Variants in SLC43A1 observed in about 807,000 individuals in gnomAD.
SLC43A1 encodes the protein solute carrier family 43 member 1.
SLC43A1 carries 31 observed loss-of-function variants against 59.5 expected under a neutral mutation model. That is an observed-to-expected ratio of 0.52 (90% CI 0.39 to 0.70). The LOEUF is 0.70. Ranked by LOEUF, SLC43A1 falls within the 30% of genes least tolerant of loss-of-function variation. The pLI is 0.00. For missense variants in SLC43A1, 598 were observed against 717.8 expected, an observed-to-expected ratio of 0.83 and a Z score of 1.91; for synonymous variants, 259 against 290.9, an observed-to-expected ratio of 0.89 and a Z score of 1.12.
At position 57,484,546 on chromosome 11, in the gene SLC43A1, CTTT is replaced by C. The variant is rs920000638; in HGVS notation, c.*547_*549del. The C allele has an allele frequency of 6.6e-6, 1 of 152,268 alleles. No homozygotes were observed. The highest frequency in any genetic ancestry group is 1.5e-5 in the Non-Finnish European group (1 of 68,068). The allele number at this position is 152,268 out of a possible 1,614,324, so 9.4% of individuals were successfully genotyped here. A position where few individuals can be genotyped will look rare whatever the true frequency, so the allele number is the denominator to read the frequency against. ...GCACACCAGCCAGTCTCTCACTTCC[CTTT>C]TTATTTCCTCTAAGACTTGCAAGCA... On this transcript the variant is annotated 3_prime_UTR_variant, in exon 15 of 15. Coordinates refer to ENST00000278426, the MANE Select transcript of SLC43A1 (RefSeq NM_003627.6).
At chr11:57,503,993 A>G (rs1251824235) in intron 2 of SLC43A1, among the ~76,000 whole-genome samples, 1 of 152,062 alleles carries the variant, frequency 6.6e-6, no homozygotes, top group East Asian at 1.9e-4. Context: ...GGAGATCGAG[A>G]CCATCCTGGC....
chr11:57,497,704 C>G, intron 6 of SLC43A1, 49 bp downstream of exon 6: 1 of 1,464,066 alleles, frequency 6.8e-7, no homozygotes, highest in South Asian at 1.2e-5. Flanking sequence ...CACTCGGCCC[C>G]ACCCGGTTCT....
intron 6 of SLC43A1, among the ~76,000 whole-genome samples, chr11:57,497,072 C>CA (rs1403502597): frequency 2.6e-5 from 4 of 152,190 alleles, no homozygotes; most frequent in Non-Finnish European, 4.4e-5. Context: ...ATGGCCCCCC[C>CA]ACCCATGCGC....
At chr11:57,488,325 A>C (rs570899107) in intron 13 of SLC43A1, among the ~76,000 whole-genome samples, 2 of 152,248 alleles carry the variant, frequency 1.3e-5, no homozygotes, top group South Asian at 4.2e-4. Flanking sequence ...AACATCAAGG[A>C]AACTCCAGGG....
chr11:57,492,536 GTA>G (rs71061509), intron 8 of SLC43A1, among the ~76,000 whole-genome samples: 4,045 of 79,492 alleles, frequency 0.051, 80 homozygotes, highest in Non-Finnish European at 0.059. Flanking sequence ...ATAATTTTGT[GTA>G]TATATATATA....
intron 2 of SLC43A1, among the ~76,000 whole-genome samples, chr11:57,507,515 T>C (rs561068294): frequency 3.2e-4 from 48 of 152,122 alleles, no homozygotes; most frequent in Non-Finnish European, 6.2e-4. Context: ...TGGTGGTACA[T>C]GCCTGTGGTC....
At position 57,491,632 on chromosome 11, in the gene SLC43A1, G is replaced by C; in HGVS notation, c.1019-6C>G. On this transcript the variant is annotated splice_region_variant and splice_polypyrimidine_tract_variant and intron_variant, in intron 9 of 14. Coordinates refer to ENST00000278426, the MANE Select transcript of SLC43A1 (RefSeq NM_003627.6). ...TTGTTGCTGTTCATTTGTCTCTGTG[G>C]GTAGGGAAACGTATGGTGAGGGGAG... The C allele has an allele frequency of 6.2e-7, 1 of 1,614,186 alleles. No individual in the cohort carries two copies. Among genetic ancestry groups the C allele is most frequent in the East Asian group, 2.2e-5 (1 of 44,890 alleles).
intron 14 of SLC43A1, among the ~76,000 whole-genome samples, chr11:57,485,658 T>C (rs889931398): frequency 1.3e-5 from 2 of 152,126 alleles, no homozygotes; most frequent in African/African-American, 4.8e-5. Flanking sequence ...TTCAAGGAAC[T>C]GGGATGCACA....
intron 7 of SLC43A1, chr11:57,494,522 T>C (rs1040083904): frequency 6.3e-5 from 19 of 300,898 alleles, no homozygotes; most frequent in East Asian, 1.0e-4. Context: ...CTTTGTTCCC[T>C]GTACTTTTGT....
chr11:57,484,924 G>GTT lies in SLC43A1; in HGVS notation c.*170_*171dup. The GTT allele has an allele frequency of 1.2e-6, 1 of 805,290 alleles. No individual in the cohort carries two copies. Among genetic ancestry groups the GTT allele is most frequent in the Non-Finnish European group, 1.8e-6 (1 of 548,976 alleles). The allele number at this position is 805,290 out of a possible 1,614,324, so 49.9% of individuals were successfully genotyped here. ...GTTGACTTAGGGGGCGTTTTTGAAGGTTTTTTTTCCTCCTTTTTGCAGTCT... is the reference window on the plus strand; with the variant it reads ...GTTGACTTAGGGGGCGTTTTTGAAGGTTTTTTTTTTCCTCCTTTTTGCAGTCT... On this transcript the variant is annotated 3_prime_UTR_variant, in exon 15 of 15. Transcript: ENST00000278426.
In SLC43A1 at chr11:57,494,079, C is replaced by T; in HGVS notation, c.785G>A (p.Ser262Asn). Residue 262 changes from serine (S) to asparagine (N), a missense_variant, in exon 8 of 15, where the codon AGC becomes AAC. Physicochemically the swap from Ser to Asn is conservative, Grantham distance 46. Transcript: ENST00000278426. ...GTCCTCCAGGCTGGGGGCCTTCTGG[C>T]TGAGCCTCTGGCCCATGGTGGTCAC... ...THVTTMGQRL[S>N]QKAPSLEDGS... 6.2e-7 allele frequency: 1 copy of T among 1,611,452 alleles called. No homozygotes were observed. Among genetic ancestry groups the T allele is most frequent in the Non-Finnish European group, 8.5e-7 (1 of 1,178,844 alleles).
intron 8 of SLC43A1, among the ~76,000 whole-genome samples, chr11:57,492,220 T>TA (rs1491527198): frequency 0.018 from 2,595 of 140,684 alleles, 48 homozygotes; most frequent in Non-Finnish European, 0.027. Context: ...TATATATATA[T>TA]TTATTTATTT....
chr11:57,485,312 G>T (rs1943700858), intron 14 of SLC43A1, 70 bp from the exon 15 acceptor site: 2 of 1,458,922 alleles, frequency 1.4e-6, no homozygotes, highest in East Asian at 4.7e-5. Flanking sequence ...ACAGGGAGGA[G>T]AAGGCGGCCA....
At chr11:57,499,340 A>AAG (rs59409540) in intron 5 of SLC43A1, among the ~76,000 whole-genome samples, 1 of 151,482 alleles carries the variant, frequency 6.6e-6, no homozygotes, top group African/African-American at 2.4e-5. Context: ...AAAAAAAAAA[A>AAG]TGGTGTTTAA....
chr11:57,495,783 C>T (rs1008252602), intron 7 of SLC43A1, among the ~76,000 whole-genome samples: 2 of 152,120 alleles, frequency 1.3e-5, no homozygotes, highest in Admixed American at 6.5e-5. Context: ...AGGACCAAGA[C>T]ACTACACTCC....
chr11:57,500,715 C>T, intron 5 of SLC43A1, 64 bp downstream of exon 5: 1 of 1,443,152 alleles, frequency 6.9e-7, no homozygotes, highest in South Asian at 1.2e-5. Flanking sequence ...GCCCTCACCC[C>T]ACTCACTCTG....
intron 2 of SLC43A1, among the ~76,000 whole-genome samples, chr11:57,511,665 T>C (rs1345895811): frequency 6.6e-6 from 1 of 151,992 alleles, no homozygotes; most frequent in Admixed American, 6.6e-5. Flanking sequence ...AACTGACAAA[T>C]GGATAAATAG....
chr11:57,501,411 C>T (rs2135195113), intron 2 of SLC43A1, 82 bp from the exon 3 acceptor site: 1 of 1,477,026 alleles, frequency 6.8e-7, no homozygotes, highest in Non-Finnish European at 9.3e-7. Context: ...GTCAGGCGGC[C>T]TGCTTTCAAA....
chr11:57,514,952 C>G lies in SLC43A1; in HGVS notation c.-14+492G>C, dbSNP rs1944649493. ...TGTTTACCAAAGGGAGGGAAAGAGCCCCAGCTCCCCCCGCCGCGGCCGCTG... is the reference window on the plus strand; with the variant it reads ...TGTTTACCAAAGGGAGGGAAAGAGCGCCAGCTCCCCCCGCCGCGGCCGCTG... On this transcript the variant is annotated intron_variant, in intron 1 of 14. Transcript: ENST00000278426. The surrounding 1 kb of genome is among the most constrained non-coding windows in gnomAD (Gnocchi z 5.5). 1 of 969,416 alleles carries G rather than the reference C, an allele frequency of 1.0e-6. No homozygotes were observed. Among genetic ancestry groups the G allele is most frequent in the African/African-American group, 1.8e-5 (1 of 56,760 alleles). 60.1% of individuals were successfully genotyped at this position (969,416 alleles called of 1,614,324 possible). A position where few individuals can be genotyped will look rare whatever the true frequency, so the allele number is the denominator to read the frequency against.
Sources: gnomAD v4.1 joint callset for allele counts (sites outside exome capture counted in the v4.1 genomes callset) on GRCh38, gnomAD v4.1.1 for gene constraint, Gnocchi (gnomAD v3.1) non-coding constraint, MANE v1.5 for transcripts, NCBI Gene and HGNC (gene_info 2026-07-23, HGNC 2026-07-21) for gene names.